Variants in SAMD8 observed in about 807,000 individuals in gnomAD.
The protein encoded by SAMD8 is sphingomyelin synthase-related protein 1.
Under a neutral mutation model 42.0 loss-of-function variants are expected in SAMD8, and 20 were observed. The ratio of observed to expected loss-of-function variants is 0.48; its 90% CI spans 0.34 to 0.69. The LOEUF is 0.69. SAMD8 is among the 30% of genes least tolerant of loss of function. SAMD8 has a pLI of 0.01. For synonymous variants in SAMD8, 162 were observed against 173.0 expected, an observed-to-expected ratio of 0.94 and a Z score of 0.50; for missense variants, 328 against 511.6, an observed-to-expected ratio of 0.64 and a Z score of 3.46.
intron 1 of SAMD8, among the ~76,000 whole-genome samples, chr10:75,115,113 C>T (rs190091670): frequency 7.2e-4 from 110 of 152,298 alleles, no homozygotes; most frequent in African/African-American, 2.2e-3. Flanking sequence ...ATTATTTTCA[C>T]GTCTCATGTA....
chr10:75,122,748 G>A (rs532572291), intron 1 of SAMD8, among the ~76,000 whole-genome samples: 10 of 152,146 alleles, frequency 6.6e-5, no homozygotes, highest in Admixed American at 2.0e-4. Context: ...GCAAGACCCC[G>A]TCTCTTACCC....
intron 3 of SAMD8, among the ~76,000 whole-genome samples, 186 bp downstream of exon 3, chr10:75,164,926 G>A (rs1293972660): frequency 6.6e-6 from 1 of 152,188 alleles, no homozygotes; most frequent in Non-Finnish European, 1.5e-5. Context: ...TACATATTTA[G>A]TAATAATCCT....
intron 1 of SAMD8, chr10:75,105,967 G>A (rs933812510): frequency 5.3e-6 from 6 of 1,129,234 alleles, no homozygotes; most frequent in Non-Finnish European, 7.7e-6. Context: ...TGCCTTGGGT[G>A]CACTCTGTGA....
chr10:75,108,864 C>T (rs1012352476), upstream of SAMD8: 45 of 1,103,288 alleles, frequency 4.1e-5, no homozygotes, highest in Admixed American at 7.0e-5. Flanking sequence ...TCAGCACCCC[C>T]GGGGGTCCTG....
chr10:75,170,479 G>T (rs1179305581), intron 4 of SAMD8, among the ~76,000 whole-genome samples: 1 of 152,120 alleles, frequency 6.6e-6, no homozygotes, highest in South Asian at 2.1e-4. Flanking sequence ...AAGAAAGGGG[G>T]AAGGGTTGAT....
intron 4 of SAMD8, among the ~76,000 whole-genome samples, chr10:75,175,366 C>A (rs142900768): frequency 4.6e-5 from 7 of 152,144 alleles, no homozygotes; most frequent in African/African-American, 1.4e-4. Flanking sequence ...CATTGATCTC[C>A]GTCTGTCATA....
chr10:75,124,837 C>T (rs1248768580), intron 1 of SAMD8, among the ~76,000 whole-genome samples: 3 of 149,618 alleles, frequency 2.0e-5, no homozygotes, highest in Non-Finnish European at 4.4e-5. Context: ...GATGGGGTCT[C>T]ACTCTGTCAC....
At chr10:75,125,923 A>G (rs1355186550) in intron 1 of SAMD8, 1 of 152,198 alleles carries the variant, frequency 6.6e-6, no homozygotes. Context: ...AAAAAGATAA[A>G]GTGGAGATTA....
intron 2 of SAMD8, among the ~76,000 whole-genome samples, chr10:75,164,163 A>T (rs1840621584): frequency 6.6e-6 from 1 of 152,168 alleles, no homozygotes; most frequent in Non-Finnish European, 1.5e-5. Flanking sequence ...GGCTGCAGTC[A>T]GCTGTGATGG....
intron 4 of SAMD8, among the ~76,000 whole-genome samples, chr10:75,172,460 G>T (rs1044320926): frequency 6.6e-6 from 1 of 151,444 alleles, no homozygotes; most frequent in East Asian, 1.9e-4. Flanking sequence ...TCAGCCTTCT[G>T]AGTAGCTGGG....
At chr10:75,129,748 G>C (rs2134443491) in intron 1 of SAMD8, among the ~76,000 whole-genome samples, 1 of 152,298 alleles carries the variant, frequency 6.6e-6, no homozygotes, top group South Asian at 2.1e-4. Flanking sequence ...TATGATTGGA[G>C]ATTTGTGTTA....
intron 2 of SAMD8, among the ~76,000 whole-genome samples, chr10:75,161,650 A>G (rs891019805): frequency 3.9e-5 from 6 of 152,156 alleles, no homozygotes; most frequent in Admixed American, 3.3e-4. Flanking sequence ...GTTGCATTCT[A>G]TGTGACAGTA....
chr10:75,143,106 A>G (rs1354515475), intron 1 of SAMD8, among the ~76,000 whole-genome samples: 1 of 152,202 alleles, frequency 6.6e-6, no homozygotes. Context: ...CAGGAGATCA[A>G]GACCAGCCTG....
chr10:75,164,789 C>T, intron 3 of SAMD8, 49 bp downstream of exon 3: 1 of 1,292,084 alleles, frequency 7.7e-7, no homozygotes, highest in Non-Finnish European at 1.1e-6. Context: ...ACTCCTGTAT[C>T]AAGATCATAA....
intron 4 of SAMD8, among the ~76,000 whole-genome samples, chr10:75,169,254 A>G (rs1453703540): frequency 6.6e-6 from 1 of 151,234 alleles, no homozygotes; most frequent in Non-Finnish European, 1.5e-5. Context: ...TGGGAGGCCA[A>G]GGTGGGTGGA....
chr10:75,174,291 G>A (rs1168225632), intron 4 of SAMD8, among the ~76,000 whole-genome samples: 4 of 151,938 alleles, frequency 2.6e-5, no homozygotes, highest in African/African-American at 7.3e-5. Context: ...CACCAAGCCC[G>A]GCTAATTTTT....
chr10:75,164,167 G>A (rs79827570), intron 2 of SAMD8, among the ~76,000 whole-genome samples: 2,083 of 152,256 alleles, frequency 0.014, 53 homozygotes, highest in African/African-American at 0.047. Context: ...GCAGTCAGCT[G>A]TGATGGCACC....
chr10:75,143,721 T>G lies in SAMD8; in HGVS notation c.-15-6793T>G, dbSNP rs193214927. ...TCACTGTTTTTAAGTAATTTGATTTTGGTATGCCTTGGTATAGCTTTCTTC... is the reference window on the plus strand; with the variant it reads ...TCACTGTTTTTAAGTAATTTGATTTGGGTATGCCTTGGTATAGCTTTCTTC... On this transcript the variant is annotated intron_variant, in intron 1 of 5. Coordinates refer to ENST00000542569, the MANE Select transcript of SAMD8 (RefSeq NM_001174156.2). 3.9e-5 allele frequency among the ~76,000 whole-genome samples: 6 copies of G among 152,296 alleles called. No homozygotes were observed. The East Asian group carries it at 1.2e-3, about 29-fold the overall frequency.
exon 1 of SAMD8, chr10:75,099,640 C>G (rs1848011829): frequency 1.1e-6 from 1 of 889,054 alleles, no homozygotes; most frequent in Non-Finnish European, 1.5e-6. Flanking sequence ...CCTCTAAACC[C>G]CCAGGCCTCC....
Sources: allele counts gnomAD v4.1 joint callset (sites outside exome capture counted in the v4.1 genomes callset), GRCh38; gene constraint gnomAD v4.1.1; transcripts MANE v1.5; gene names NCBI Gene and HGNC (gene_info 2026-07-23, HGNC 2026-07-21).